BIRC6: variants seen among roughly 807,000 people sequenced by gnomAD.
The protein encoded by BIRC6 is baculoviral IAP repeat containing 6, also known as dual E2 ubiquitin-conjugating enzyme/E3 ubiquitin-protein ligase BIRC6.
A neutral mutation model predicts 503.3 loss-of-function variants in BIRC6; 98 were observed. The ratio of observed to expected loss-of-function variants is 0.19; its 90% CI spans 0.17 to 0.23. BIRC6 has a LOEUF of 0.23. Ranked by LOEUF, BIRC6 falls within the 10% of genes least tolerant of loss-of-function variation. BIRC6 has a pLI of 1.00. For missense variants in BIRC6, 5,360 were observed against 5,806.0 expected, an observed-to-expected ratio of 0.92 and a Z score of 2.50; for synonymous variants, 2,240 against 2,078.7, an observed-to-expected ratio of 1.08 and a Z score of -2.11.
chr2:32,460,822 C>T (rs1337206775), intron 23 of BIRC6, among the ~76,000 whole-genome samples: 1 of 151,572 alleles, frequency 6.6e-6, no homozygotes, highest in Non-Finnish European at 1.5e-5. Flanking sequence ...TATTAAAAAC[C>T]ATATATATTA....
At chr2:32,529,990 G>A (rs949158351) in intron 60 of BIRC6, among the ~76,000 whole-genome samples, 166 bp downstream of exon 60, 1 of 151,888 alleles carries the variant, frequency 6.6e-6, no homozygotes, top group African/African-American at 2.4e-5. Context: ...TATTTCATTT[G>A]GAAACTAAGT....
chr2:32,389,169 G>T (rs919732040), intron 4 of BIRC6, among the ~76,000 whole-genome samples: 1 of 151,986 alleles, frequency 6.6e-6, no homozygotes, highest in Non-Finnish European at 1.5e-5. Context: ...GTACACTAAA[G>T]GTATTTGAAG....
chr2:32,558,110 G>T (rs1226274424), intron 65 of BIRC6, among the ~76,000 whole-genome samples: 1 of 152,058 alleles, frequency 6.6e-6, no homozygotes, highest in Admixed American at 6.5e-5. Flanking sequence ...ACTTTAGTCT[G>T]TTAACGTGTT....
chr2:32,557,374 C>G (rs929010110), intron 65 of BIRC6: 1 of 152,106 alleles, frequency 6.6e-6, no homozygotes, highest in East Asian at 1.9e-4. Flanking sequence ...TTTATATGTA[C>G]TCTTAGAAAA....
intron 3 of BIRC6, among the ~76,000 whole-genome samples, chr2:32,380,685 G>A (rs1440883762): frequency 6.6e-6 from 1 of 151,940 alleles, no homozygotes; most frequent in Non-Finnish European, 1.5e-5. Flanking sequence ...CAGAGATTGC[G>A]CCACTGCACT....
In BIRC6 at chr2:32,593,917, C is replaced by A. The variant is rs753432548; in HGVS notation, c.13358C>A (p.Ser4453Tyr). Reference protein sequence around the residue: ...CVDTYTNRLRSKRENVKTGVK... With the variant: ...CVDTYTNRLRYKRENVKTGVK... ...CTTTCCATATTAAAAAAATTCAGAT[C>A]TAAAAGGGAAAATGTTAAAACAGGA... Residue 4453 changes from serine (S) to tyrosine (Y), a missense_variant and splice_region_variant, in exon 67 of 74, where the codon TCT (serine) becomes TAT (tyrosine). Around this residue, in one of 16 missense-constraint regions of BIRC6, gnomAD observed 477 missense variants for 574.4 expected, o/e 0.83. Transcript: ENST00000421745. 3 of 1,607,750 alleles carry A rather than the reference C, an allele frequency of 1.9e-6. No homozygotes were observed. The highest frequency in any genetic ancestry group is 2.5e-6 in the Non-Finnish European group (3 of 1,178,086).
Position 32,515,194 on chromosome 2 carries a change from T to C in BIRC6, c.10773T>C (p.Ser3591=), listed in dbSNP as rs1461438297. 6.2e-7 allele frequency: 1 copy of C among 1,613,976 alleles called. No individual in the cohort carries two copies. Among genetic ancestry groups the C allele is most frequent in the Non-Finnish European group, 8.5e-7 (1 of 1,179,864 alleles). Residue 3591 remains serine (S), a synonymous_variant, in exon 55 of 74, where the codon TCT becomes TCC. Coordinates refer to ENST00000421745, the MANE Select transcript of BIRC6 (RefSeq NM_016252.4). ...GCAAAAAGCAGGATCTTAGTTCATC[T>C]TTAACAGATGACTCTAAAAATGCAC... is the stretch of plus-strand genomic sequence containing the variant. ...DDSKKQDLSS[S]LTDDSKNAQA... is the part of the protein sequence containing the mutation.
At position 32,392,179 on chromosome 2, in the gene BIRC6, T is replaced by A. The variant is rs543235381; in HGVS notation, c.951+29T>A. The A allele has an allele frequency of 8.7e-4, 1,260 of 1,452,562 alleles. 15 individuals carry two copies. The South Asian group carries it at 0.015, about 17-fold the overall frequency. 90.0% of individuals were successfully genotyped at this position (1,452,562 alleles called of 1,614,324 possible). A position where few individuals can be genotyped will look rare whatever the true frequency, so the allele number is the denominator to read the frequency against. On this transcript the variant is annotated intron_variant, in intron 5 of 73. Transcript: ENST00000421745. The stretch of plus-strand genomic sequence containing the variant: ...AAAAAAGAATATAAAAAAATACTTT[T>A]CTCAGTAGGCCTTTGTAGCCCTCAG...
intron 66 of BIRC6, among the ~76,000 whole-genome samples, chr2:32,580,688 C>T (rs191559491): frequency 6.6e-6 from 1 of 152,294 alleles, no homozygotes; most frequent in African/African-American, 2.4e-5. Flanking sequence ...GAAGTTGGAA[C>T]AAGACCAAAC....
intron 5 of BIRC6, 135 bp from the exon 6 acceptor site, chr2:32,395,376 A>G (rs1320033643): frequency 3.2e-6 from 2 of 620,234 alleles, no homozygotes; most frequent in East Asian, 3.0e-5. Context: ...TGTTGGACCT[A>G]ATATTATAGG....
chr2:32,555,719 C>G (rs1274404762), intron 65 of BIRC6, among the ~76,000 whole-genome samples: 1 of 151,576 alleles, frequency 6.6e-6, no homozygotes, highest in Non-Finnish European at 1.5e-5. Flanking sequence ...ATCTGCAATC[C>G]CAGCACTTTG....
In BIRC6 at chr2:32,584,200, C is replaced by G. The variant is rs528618307; in HGVS notation, c.13355+8834C>G. The stretch of plus-strand genomic sequence containing the variant: ...CAAGCCTGGGTAATATAACGAGACC[C>G]CCATCTCTCTTCTTTAAAATAATAT... On this transcript the variant is annotated intron_variant, in intron 66 of 73. Transcript: ENST00000421745. Among the ~76,000 whole-genome samples, 6 of 152,050 alleles carry G rather than the reference C, an allele frequency of 3.9e-5. No individual in the cohort carries two copies. The East Asian group carries it at 5.8e-4, about 15-fold the overall frequency.
Position 32,515,397 on chromosome 2 carries a change from T to C in BIRC6, c.10976T>C (p.Ile3659Thr), listed in dbSNP as rs773755872. 6 of 1,613,376 alleles carry C rather than the reference T, an allele frequency of 3.7e-6. No individual in the cohort carries two copies. The highest frequency in any genetic ancestry group is 1.1e-5 in the South Asian group (1 of 91,074). The change falls in exon 55 of 74, where the codon ATT becomes ACT. Residue 3659 changes from isoleucine (I) to threonine (T), a missense_variant. By Grantham distance (89) the Ile-to-Thr change is moderately conservative. Around this residue, in one of 16 missense-constraint regions of BIRC6, gnomAD observed 878 missense variants for 928.9 expected, o/e 0.95. Transcript: ENST00000421745. ...SSESIAQSID[I>T]SQDKLRRHHV... ...GAAAGCATTGCCCAGTCAATAGATA[T>C]TTCCCAGGACAAACTCAGGCGCCAT...
At chr2:32,425,749 G>A (rs996743817) in intron 10 of BIRC6, among the ~76,000 whole-genome samples, 2 of 152,198 alleles carry the variant, frequency 1.3e-5, no homozygotes, top group African/African-American at 2.4e-5. Context: ...CTGCTGCTTG[G>A]AGTAGCAGCT....
chr2:32,503,032 A>G lies in BIRC6; in HGVS notation c.9305-10A>G. The G allele has an allele frequency of 1.3e-6, 2 of 1,562,342 alleles. No individual in the cohort carries two copies. Among genetic ancestry groups the G allele is most frequent in the Non-Finnish European group, 1.7e-6 (2 of 1,152,980 alleles). On this transcript the variant is annotated splice_polypyrimidine_tract_variant and intron_variant, in intron 48 of 73. Coordinates refer to ENST00000421745, the MANE Select transcript of BIRC6 (RefSeq NM_016252.4). ...AGATCGATTTCATTTCATATTCTTT[A>G]TAAATTTAGGTGGTGTTCAGCTCAT...
chr2:32,475,348 G>A (rs1020690790), intron 33 of BIRC6, among the ~76,000 whole-genome samples: 6 of 151,994 alleles, frequency 3.9e-5, no homozygotes, highest in Non-Finnish European at 8.8e-5. Flanking sequence ...CAGATTGTAA[G>A]GTCTTTATGA....
At chr2:32,439,201 G>A (rs1479641633) in intron 15 of BIRC6, among the ~76,000 whole-genome samples, 2 of 152,090 alleles carry the variant, frequency 1.3e-5, no homozygotes, top group Non-Finnish European at 2.9e-5. Flanking sequence ...GTGTGTATGT[G>A]TGTGTGTAGT....
chr2:32,371,489 C>T (rs907736889), intron 1 of BIRC6, among the ~76,000 whole-genome samples: 2 of 151,884 alleles, frequency 1.3e-5, no homozygotes, highest in Admixed American at 1.3e-4. Context: ...AGTCTCCTGC[C>T]TCAGCCTTCC....
At chr2:32,384,649 A>C (rs1461434119) in intron 3 of BIRC6, among the ~76,000 whole-genome samples, 3 of 152,074 alleles carry the variant, frequency 2.0e-5, no homozygotes, top group Non-Finnish European at 4.4e-5. Context: ...TTGCCACCCA[A>C]CTTTGGTAAC....
Sources: allele counts gnomAD v4.1 joint callset (sites outside exome capture counted in the v4.1 genomes callset), GRCh38; gene constraint gnomAD v4.1.1; regional missense constraint gnomAD v4.1.1; transcripts MANE v1.5; gene names NCBI Gene and HGNC (gene_info 2026-07-23, HGNC 2026-07-21).